DIDO1: variants seen among roughly 807,000 people sequenced by gnomAD.
The protein encoded by DIDO1 is death inducer-obliterator 1.
A neutral mutation model predicts 99.4 loss-of-function variants in DIDO1; 16 were observed. The ratio of observed to expected loss-of-function variants is 0.16; its 90% CI spans 0.11 to 0.24. DIDO1 has a LOEUF of 0.24. Among genes scored for constraint, DIDO1 ranks in the 10% least tolerant of loss-of-function variants. The pLI is 1.00. For missense variants in DIDO1, 2,996 were observed against 3,014.0 expected (o/e 0.99, Z 0.14); for synonymous variants, 1,366 against 1,239.1 (o/e 1.10, Z -2.15).
chr20:62,901,002 C>T lies in DIDO1; in HGVS notation c.1589-4006G>A, dbSNP rs142760202. 3.2e-3 allele frequency among the ~76,000 whole-genome samples: 494 copies of T among 152,316 alleles called. 1 individual carries two copies. Among genetic ancestry groups the T allele is most frequent in the African/African-American group, 0.011 (465 of 41,568 alleles). ...CCTGTTTCTTCACTCCAAGATTGCC[C>T]CTAGTGGGAACAATCAAGGTGGCAG... On this transcript the variant is annotated intron_variant, in intron 6 of 15. Coordinates refer to ENST00000395343, the MANE Select transcript of DIDO1 (RefSeq NM_001193369.2).
intron 15 of DIDO1, among the ~76,000 whole-genome samples, chr20:62,883,872 G>T (rs1439038825): frequency 6.6e-6 from 1 of 152,058 alleles, no homozygotes; most frequent in African/African-American, 2.4e-5. Context: ...AGGCGTGGTG[G>T]CGTGTGCCTG....
In DIDO1 at chr20:62,880,430, AAATTGGGATGGT is replaced by A. The variant is rs770028113; in HGVS notation, c.5514_5525del (p.Pro1839_Phe1842del). The A allele has an allele frequency of 1.2e-6, 2 of 1,612,738 alleles. No homozygotes were observed. Among genetic ancestry groups the A allele is most frequent in the African/African-American group, 2.7e-5 (2 of 74,930 alleles). ...CCCCATGGGGATCCTTGCGTTCTTC[AAATTGGGATGGT>A]GCCACTCCTCGTGGTCCACCAAGGT... On this transcript the variant is annotated inframe_deletion, in exon 16 of 16. Coordinates refer to ENST00000395343, the MANE Select transcript of DIDO1 (RefSeq NM_001193369.2).
At chr20:62,914,122 A>G (rs1474737875) in intron 2 of DIDO1, 88 bp downstream of exon 2, 1 of 152,246 alleles carries the variant, frequency 6.6e-6, no homozygotes, top group Non-Finnish European at 1.5e-5. Flanking sequence ...TTCTACTATC[A>G]GTTTCTTTAC....
chr20:62,923,719 C>T (rs1287036611), intron 1 of DIDO1, among the ~76,000 whole-genome samples: 2 of 152,304 alleles, frequency 1.3e-5, no homozygotes, highest in Non-Finnish European at 1.5e-5. Flanking sequence ...TAATCAAACA[C>T]ATTAAGGTAT....
Position 62,884,204 on chromosome 20 carries a change from T to TA in DIDO1, c.3542-1791dup, listed in dbSNP as rs11086144. On this transcript the variant is annotated intron_variant, in intron 15 of 15. Coordinates refer to ENST00000395343, the MANE Select transcript of DIDO1 (RefSeq NM_001193369.2). ...GGGGTTTTAAGGCACAGTATTAGTT[T>TA]AAAAAAAAAATTATTCAAAGATATT... 1.1e-4 allele frequency among the ~76,000 whole-genome samples: 17 copies of TA among 151,406 alleles called. No individual in the cohort carries two copies. In the East Asian group the frequency reaches 2.1e-3, roughly 19 times the overall value.
rs145011514 is a variant in DIDO1, at chr20:62,894,494, C to G, written c.2491G>C (p.Asp831His). 2 of 1,613,142 alleles carry G rather than the reference C, an allele frequency of 1.2e-6. No homozygotes were observed. Among genetic ancestry groups the G allele is most frequent in the Admixed American group, 3.3e-5 (2 of 59,990 alleles). Residue 831 changes from aspartate to histidine, a missense_variant, in exon 11 of 16, where the codon GAC (aspartate) becomes CAC (histidine). Physicochemically the swap from Asp to His is moderately conservative, Grantham distance 81. Coordinates refer to ENST00000395343, the MANE Select transcript of DIDO1 (RefSeq NM_001193369.2). The surrounding 1 kb of genome is among the most constrained non-coding windows in gnomAD (Gnocchi z 4.4). ...TCTTTCAACATGCTGCTGAAGACGTCGAGAAGCGGCGCTGTGCTCTTCTCA... is the reference window on the plus strand; with the variant it reads ...TCTTTCAACATGCTGCTGAAGACGTGGAGAAGCGGCGCTGTGCTCTTCTCA... Reference protein sequence around the residue: ...VPEKSTAPLLDVFSSMLKDTT... With the variant: ...VPEKSTAPLLHVFSSMLKDTT...
chr20:62,920,503 G>A (rs1042140560), intron 1 of DIDO1, among the ~76,000 whole-genome samples: 1 of 152,176 alleles, frequency 6.6e-6, no homozygotes, highest in Non-Finnish European at 1.5e-5. Flanking sequence ...TTGCCCCAAG[G>A]GGCAAGCACA....
At chr20:62,883,030 TCTC>T (rs1225187784) in intron 15 of DIDO1, among the ~76,000 whole-genome samples, 2 of 148,992 alleles carry the variant, frequency 1.3e-5, no homozygotes, top group Non-Finnish European at 3.0e-5. Flanking sequence ...TCAGGAGAAT[TCTC>T]CTGTCTCAGC....
In DIDO1 at chr20:62,881,073, C is replaced by T. The variant is rs1295976704; in HGVS notation, c.4883G>A (p.Gly1628Glu). 1 of 1,609,184 alleles carries T rather than the reference C, an allele frequency of 6.2e-7. No individual in the cohort carries two copies. The highest frequency in any genetic ancestry group is 8.5e-7 in the Non-Finnish European group (1 of 1,179,438). Reference sequence around the variant, plus strand: ...TGCCTTCCAGCCGTCCTGCTCGGACCCCGCTGGGGGCTTTTCGCCCGAAGC... The same window carrying T: ...TGCCTTCCAGCCGTCCTGCTCGGACTCCGCTGGGGGCTTTTCGCCCGAAGC... ...PWASGEKPPA[G>E]SEQDGWKAEP... The change falls in exon 16 of 16, where the codon GGG becomes GAG. Residue 1628 changes from glycine (G) to glutamate (E), a missense_variant. By Grantham distance (98) the Gly-to-Glu change is moderately conservative (BLOSUM62 -2). This residue lies in a region of DIDO1 where 1,562 missense variants were observed against 1,412.6 expected (regional missense o/e 1.11). Transcript: ENST00000395343. This position sits in a 1 kb window ranked among gnomAD's most constrained non-coding sequence, Gnocchi z 8.3.
rs923008303 is a variant in DIDO1, at chr20:62,896,213, C to T, written c.2214+20G>A. ...CGAACAGAACAGGAATACTCCAATG[C>T]ACCGACACCAGGCACACACCTGATT... On this transcript the variant is annotated intron_variant, in intron 8 of 15. Coordinates refer to ENST00000395343, the MANE Select transcript of DIDO1 (RefSeq NM_001193369.2). This position sits in a 1 kb window ranked among gnomAD's most constrained non-coding sequence, Gnocchi z 4.4. 4 of 1,609,298 alleles carry T rather than the reference C, an allele frequency of 2.5e-6. No homozygotes were observed. The highest frequency in any genetic ancestry group is 1.7e-5 in the Admixed American group (1 of 58,566).
chr20:62,928,514 C>T (rs542394952), upstream of DIDO1: 1 of 152,358 alleles, frequency 6.6e-6, no homozygotes, highest in East Asian at 1.9e-4. Context: ...AGCTTTATCC[C>T]AGCTTACCTG....
intron 15 of DIDO1, 42 bp downstream of exon 15, chr20:62,890,918 G>C (rs367743402): frequency 2.0e-4 from 326 of 1,612,282 alleles, no homozygotes; most frequent in Non-Finnish European, 2.7e-4. Flanking sequence ...AGGGGTGCAG[G>C]TGCAGGTGGG....
At chr20:62,926,917 CAG>C (rs1176961576), upstream of DIDO1, among the ~76,000 whole-genome samples, 1 of 152,132 alleles carries the variant, frequency 6.6e-6, no homozygotes, top group Non-Finnish European at 1.5e-5. Flanking sequence ...GGGGCGGGGA[CAG>C]GGGATAAAAG....
In DIDO1 at chr20:62,880,022, G is replaced by A. The variant is rs774084572; in HGVS notation, c.5934C>T (p.Phe1978=). 11 of 1,611,572 alleles carry A rather than the reference G, an allele frequency of 6.8e-6. No individual in the cohort carries two copies. Among genetic ancestry groups the A allele is most frequent in the Non-Finnish European group, 9.3e-6 (11 of 1,179,992 alleles). Residue 1978 remains phenylalanine (F), a synonymous_variant, in exon 16 of 16, where the codon TTC becomes TTT. Coordinates refer to ENST00000395343, the MANE Select transcript of DIDO1 (RefSeq NM_001193369.2). ...EDQRVHSPPR[F]TNQRAPAPLQ... ...GGGGTGCAGGCGCCCTTTGGTTTGT[G>A]AATCTTGGTGGTGAATGGACCCTCT...
intron 5 of DIDO1, among the ~76,000 whole-genome samples, chr20:62,906,503 C>T (rs16983364): frequency 0.037 from 5,559 of 152,152 alleles, 335 homozygotes; most frequent in African/African-American, 0.13. Flanking sequence ...TGCCCAACGC[C>T]GAGGGTTCAA....
chr20:62,926,951 C>T (rs577697201), upstream of DIDO1, among the ~76,000 whole-genome samples: 2 of 152,324 alleles, frequency 1.3e-5, no homozygotes, highest in South Asian at 2.1e-4. Flanking sequence ...CAGGTTTTCT[C>T]TTCCAGATTG....
chr20:62,931,576 G>C (rs2065332403), intron 1 of DIDO1, among the ~76,000 whole-genome samples: 1 of 152,160 alleles, frequency 6.6e-6, no homozygotes, highest in South Asian at 2.1e-4. Flanking sequence ...TCACACCACG[G>C]AATAGAGACC....
chr20:62,937,818 A>G (rs1421523876), exon 1 of DIDO1: 10 of 398,108 alleles, frequency 2.5e-5, no homozygotes, highest in Non-Finnish European at 2.2e-5. Flanking sequence ...CTCAGTGTAG[A>G]CGTCGCCATC....
intron 1 of DIDO1, among the ~76,000 whole-genome samples, chr20:62,935,963 G>A (rs887717364): frequency 6.6e-6 from 1 of 152,252 alleles, no homozygotes; most frequent in Non-Finnish European, 1.5e-5. Flanking sequence ...GCTCGAGCAG[G>A]ACTTGGTAAC....
Sources: allele counts gnomAD v4.1 joint callset (sites outside exome capture counted in the v4.1 genomes callset), GRCh38; gene constraint gnomAD v4.1.1; regional missense constraint gnomAD v4.1.1; non-coding constraint Gnocchi (gnomAD v3.1); transcripts MANE v1.5; gene names NCBI Gene and HGNC (gene_info 2026-07-23, HGNC 2026-07-21).